The following HTR3B variants were observed in gnomAD, a reference collection of about 807,000 sequenced individuals.
The protein encoded by HTR3B is 5-hydroxytryptamine receptor 3B.
In HTR3B, 44 loss-of-function variants were observed where a neutral mutation model predicts 42.8. That is an observed-to-expected ratio of 1.03 (90% CI 0.81 to 1.32). The LOEUF (loss-of-function observed/expected upper bound fraction) is 1.32, where lower values mean the gene tolerates loss of function less well. Among genes scored for constraint, HTR3B ranks in the 40% most tolerant of loss-of-function variants. The pLI is 0.00. For synonymous variants in HTR3B, 203 were observed against 209.0 expected, an observed-to-expected ratio of 0.97 and a Z score of 0.25; for missense variants, 527 against 536.5, an observed-to-expected ratio of 0.98 and a Z score of 0.17.
rs770616321 is a variant in HTR3B, at chr11:113,944,693, G to A, written c.1028G>A (p.Arg343Gln). The A allele has an allele frequency of 8.7e-6, 14 of 1,614,090 alleles. No individual in the cohort carries two copies. The highest frequency in any genetic ancestry group is 2.2e-5 in the South Asian group (2 of 91,070). Residue 343 changes from arginine (R) to glutamine (Q), a missense_variant, in exon 8 of 9, where the codon CGA becomes CAA. Coordinates refer to ENST00000260191, the MANE Select transcript of HTR3B (RefSeq NM_006028.5). ...CAGGAGCAGCCCTTCTTGTGCCTTC[G>A]AGGGGACACCGATGCTGACAGGCCT... ...GGQEQPFLCL[R>Q]GDTDADRPRV...
chr11:113,904,994 T>C lies in HTR3B; in HGVS notation c.52+9T>C, dbSNP rs369809488. The stretch of plus-strand genomic sequence containing the variant: ...CATCCTGGTGGCTGCAGGTGAGTCC[T>C]TTTAATAATTTTACTAGGCATTAAG... On this transcript the variant is annotated intron_variant, in intron 1 of 8. Transcript: ENST00000260191. 1 of 1,591,626 alleles carries C rather than the reference T, an allele frequency of 6.3e-7. No homozygotes were observed. Among genetic ancestry groups the C allele is most frequent in the African/African-American group, 1.3e-5 (1 of 74,586 alleles).
rs1478617301 is a variant in HTR3B at position 113,947,760 on chromosome 11, A to G, written c.*1623A>G. 1.1e-4 allele frequency among the ~76,000 whole-genome samples: 16 copies of G among 152,148 alleles called. No homozygotes were observed. The highest frequency in any genetic ancestry group is 2.4e-5 in the African/African-American group (1 of 41,426). On this transcript the variant is annotated 3_prime_UTR_variant, in exon 9 of 9. Transcript: ENST00000260191. ...GAGTACTAGGGGTTAGGATGTCAAC[A>G]TATGAATTTTGGGGAGTGGGCAGCA...
rs533206937 is a variant in HTR3B, at chr11:113,931,505, T to C, written c.258+77T>C. On this transcript the variant is annotated intron_variant, in intron 3 of 8. Transcript: ENST00000260191. ...CTGCAAAATATAGTTATTTAAGAAATAGGTATTATCTTTGTATTTATAGTT... is the reference window on the plus strand; with the variant it reads ...CTGCAAAATATAGTTATTTAAGAAACAGGTATTATCTTTGTATTTATAGTT... 2.2e-5 allele frequency: 20 copies of C among 909,332 alleles called. No homozygotes were observed. The South Asian group carries it at 2.8e-4, about 13-fold the overall frequency. 56.3% of individuals were successfully genotyped at this position (909,332 alleles called of 1,614,324 possible).
chr11:113,943,791 T>G (rs1174354120), intron 7 of HTR3B, among the ~76,000 whole-genome samples: 2 of 143,782 alleles, frequency 1.4e-5, no homozygotes, highest in Non-Finnish European at 3.0e-5. Context: ...CCAGCCTGGG[T>G]GACAGAGCAA....
chr11:113,910,442 C>CTTTT (rs34377344), intron 2 of HTR3B, among the ~76,000 whole-genome samples: 1 of 136,272 alleles, frequency 7.3e-6, no homozygotes, highest in Admixed American at 7.4e-5. Flanking sequence ...ATTTCTCTCT[C>CTTTT]TTTTTTTTTT....
chr11:113,912,893 T>C (rs973033880), intron 2 of HTR3B, among the ~76,000 whole-genome samples: 2 of 151,480 alleles, frequency 1.3e-5, no homozygotes, highest in African/African-American at 4.8e-5. Flanking sequence ...AATTGGGTCA[T>C]TGGTTTTTTT....
At chr11:113,932,153 C>T (rs926199341) in intron 4 of HTR3B, 136 bp from the exon 5 acceptor site, 3 of 721,084 alleles carry the variant, frequency 4.2e-6, no homozygotes, top group African/African-American at 1.8e-5. Context: ...TGAATCATCT[C>T]ATGGAAAATG....
intron 6 of HTR3B, among the ~76,000 whole-genome samples, chr11:113,935,324 A>G (rs987704788): frequency 5.9e-5 from 9 of 151,754 alleles, no homozygotes; most frequent in African/African-American, 2.2e-4. Flanking sequence ...GGCAGGTGCA[A>G]TTTGATTTCA....
upstream of HTR3B, among the ~76,000 whole-genome samples, chr11:113,902,459 G>A (rs906530323): frequency 6.6e-6 from 1 of 151,994 alleles, no homozygotes; most frequent in Non-Finnish European, 1.5e-5. Context: ...ACCGTGCCGG[G>A]CTAATTTTTG....
chr11:113,925,806 G>A (rs1430743280), intron 2 of HTR3B, among the ~76,000 whole-genome samples: 3 of 152,008 alleles, frequency 2.0e-5, no homozygotes, highest in African/African-American at 7.2e-5. Flanking sequence ...AAATTTACTG[G>A]AAATGTCTTA....
At chr11:113,936,558 A>AGG (rs1346072152) in intron 6 of HTR3B, among the ~76,000 whole-genome samples, 1 of 152,080 alleles carries the variant, frequency 6.6e-6, no homozygotes, top group Non-Finnish European at 1.5e-5. Flanking sequence ...AGAGAGAGAG[A>AGG]GAGAAAGAGA....
intron 6 of HTR3B, among the ~76,000 whole-genome samples, chr11:113,939,894 T>G (rs1196819882): frequency 6.6e-6 from 1 of 151,286 alleles, no homozygotes; most frequent in South Asian, 2.1e-4. Flanking sequence ...TGGTGTTTTT[T>G]TTTTTTTTTT....
intron 2 of HTR3B, among the ~76,000 whole-genome samples, chr11:113,928,441 A>G (rs1042494436): frequency 3.3e-5 from 5 of 152,290 alleles, no homozygotes; most frequent in Admixed American, 2.0e-4. Context: ...ACCTCATTTA[A>G]GTGGAATCAG....
intron 2 of HTR3B, among the ~76,000 whole-genome samples, chr11:113,920,131 C>A (rs895886892): frequency 6.6e-6 from 1 of 151,734 alleles, no homozygotes; most frequent in Non-Finnish European, 1.5e-5. Flanking sequence ...CGGGTTCAAG[C>A]GATTCTCCTG....
At chr11:113,932,011 T>A in intron 4 of HTR3B, 144 bp downstream of exon 4, 1 of 650,446 alleles carries the variant, frequency 1.5e-6, no homozygotes, top group South Asian at 1.8e-5. Context: ...AGGTTAGAAG[T>A]GCCATGTGTT....
chr11:113,912,354 C>T (rs531600312), intron 2 of HTR3B, among the ~76,000 whole-genome samples: 16 of 152,278 alleles, frequency 1.1e-4, no homozygotes, highest in South Asian at 4.2e-4. Flanking sequence ...CGCCATTCTC[C>T]TGCCTCAGCC....
intron 2 of HTR3B, among the ~76,000 whole-genome samples, chr11:113,917,667 G>A (rs1418414230): frequency 6.6e-6 from 1 of 152,036 alleles, no homozygotes; most frequent in Non-Finnish European, 1.5e-5. Flanking sequence ...CTGGAGTGCA[G>A]CGGCATGTCT....
At chr11:113,923,286 C>T (rs1013589155) in intron 2 of HTR3B, among the ~76,000 whole-genome samples, 4 of 152,204 alleles carry the variant, frequency 2.6e-5, no homozygotes, top group Admixed American at 6.5e-5. Flanking sequence ...GAATGAAGAG[C>T]TTTCAGCCCA....
chr11:113,947,196 C>T lies in HTR3B; in HGVS notation c.*1059C>T, dbSNP rs930460140. 7.2e-5 allele frequency among the ~76,000 whole-genome samples: 11 copies of T among 152,100 alleles called. No homozygotes were observed. The highest frequency in any genetic ancestry group is 2.7e-4 in the African/African-American group (11 of 41,504). ...TTGGCTCACTGTAACCTCCACCTCCCGGGTTCAAGCAATTCCCCTGCCTCA... is the reference window on the plus strand; with the variant it reads ...TTGGCTCACTGTAACCTCCACCTCCTGGGTTCAAGCAATTCCCCTGCCTCA... On this transcript the variant is annotated 3_prime_UTR_variant, in exon 9 of 9. Coordinates refer to ENST00000260191, the MANE Select transcript of HTR3B (RefSeq NM_006028.5).
Sources: gnomAD v4.1 joint callset for allele counts (sites outside exome capture counted in the v4.1 genomes callset) on GRCh38, gnomAD v4.1.1 for gene constraint, MANE v1.5 for transcripts, NCBI Gene and HGNC (gene_info 2026-07-23, HGNC 2026-07-21) for gene names.